Variants in P2RY10 observed in about 807,000 individuals in gnomAD.
The protein encoded by P2RY10 is P2Y receptor family member 10, also known as putative P2Y purinoceptor 10.
P2RY10 carries 4 observed loss-of-function variants against 12.1 expected under a neutral mutation model. The observed-to-expected ratio is 0.33, with a 90% confidence interval of 0.16 to 0.76. The LOEUF (loss-of-function observed/expected upper bound fraction) is 0.76, where lower values mean the gene tolerates loss of function less well. P2RY10 is among the 30% of genes least tolerant of loss of function. The pLI is 0.61. For missense variants in P2RY10, 233 were observed against 264.6 expected, an observed-to-expected ratio of 0.88 and a Z score of 0.83; for synonymous variants, 112 against 94.1, an observed-to-expected ratio of 1.19 and a Z score of -1.10.
chrX:78,960,259 T>C (rs1041028975), intron 3 of P2RY10, among the ~76,000 whole-genome samples: 16 of 112,184 alleles, frequency 1.4e-4, no homozygotes, highest in Non-Finnish European at 1.7e-4. Context: ...CATCTTAGCC[T>C]GCAAAATACA....
intron 3 of P2RY10, among the ~76,000 whole-genome samples, chrX:78,952,967 A>T (rs1183215111): frequency 1.7e-4 from 19 of 111,668 alleles, no homozygotes; most frequent in Non-Finnish European, 5.6e-5. Context: ...GGAATAGGAG[A>T]AGATACTAAT....
At position 78,948,574 on chromosome X, in the gene P2RY10, G is replaced by T. The variant is rs780143710; in HGVS notation, c.-157+711G>T. On this transcript the variant is annotated intron_variant, in intron 2 of 3. Coordinates refer to ENST00000171757, the MANE Select transcript of P2RY10 (RefSeq NM_014499.4). ...TTAGTGCACCCACCACCTCAGTAGT[G>T]CACGTTGTACCTAATGTGTAATATT... is the stretch of plus-strand genomic sequence containing the variant. Among the ~76,000 whole-genome samples the T allele has an allele frequency of 7.2e-4, 80 of 111,345 alleles. 1 individual carries two copies. The highest frequency in any genetic ancestry group is 1.3e-3 in the Non-Finnish European group (71 of 52,959).
At chrX:78,955,750 T>C (rs1327158972) in intron 3 of P2RY10, among the ~76,000 whole-genome samples, 1 of 112,300 alleles carries the variant, frequency 8.9e-6, no homozygotes, top group Non-Finnish European at 1.9e-5. Flanking sequence ...TTTAAAGAAA[T>C]ATATTTTAGG....
intron 1 of P2RY10, among the ~76,000 whole-genome samples, chrX:78,946,049 CTG>C: frequency 9.0e-6 from 1 of 111,603 alleles, no homozygotes; most frequent in East Asian, 2.8e-4. Context: ...GTCAGGAAAA[CTG>C]AGAGCCAGTG....
At position 78,961,657 on chromosome X, in the gene P2RY10, C is replaced by T. The variant is rs1478391670; in HGVS notation, c.*117C>T. 1.1e-5 allele frequency: 6 copies of T among 549,193 alleles called. No individual in the cohort carries two copies. The highest frequency in any genetic ancestry group is 6.9e-5 in the East Asian group (2 of 28,784). The allele number at this position is 549,193 out of a possible 1,213,427, so 45.3% of individuals were successfully genotyped here. On this transcript the variant is annotated 3_prime_UTR_variant, in exon 4 of 4. Transcript: ENST00000171757. ...ACATTGTAAAAAACAGGAATAAGTA[C>T]TTTTGTGTAATATTCACAGTCAACA... is the stretch of plus-strand genomic sequence containing the variant.
intron 3 of P2RY10, among the ~76,000 whole-genome samples, chrX:78,953,984 C>T (rs929553793): frequency 3.6e-5 from 4 of 112,061 alleles, no homozygotes; most frequent in Non-Finnish European, 7.5e-5. Context: ...CCCACCTCAG[C>T]CTCCTGAGTG....
In P2RY10 at chrX:78,961,548, A is replaced by G. The variant is rs1376477310; in HGVS notation, c.*8A>G. On this transcript the variant is annotated 3_prime_UTR_variant, in exon 4 of 4. Coordinates refer to ENST00000171757, the MANE Select transcript of P2RY10 (RefSeq NM_014499.4). ...TCATCAATGATTGGCTAAAATTAAG[A>G]TATCTCTTTAATTACGCCTTTGTTT... 4 of 1,149,839 alleles carry G rather than the reference A, an allele frequency of 3.5e-6. No individual in the cohort carries two copies. Among genetic ancestry groups the G allele is most frequent in the Non-Finnish European group, 4.7e-6 (4 of 849,008 alleles). The allele number at this position is 1,149,839 out of a possible 1,213,427, so 94.8% of individuals were successfully genotyped here.
At chrX:78,960,121 C>A (rs1224105756) in intron 3 of P2RY10, among the ~76,000 whole-genome samples, 1 of 111,921 alleles carries the variant, frequency 8.9e-6, no homozygotes, top group African/African-American at 3.3e-5. Context: ...TCTACTACTG[C>A]AATTAGGAGT....
chrX:78,949,499 AT>A (rs1602262711), intron 2 of P2RY10, among the ~76,000 whole-genome samples: 1 of 112,006 alleles, frequency 8.9e-6, no homozygotes, highest in Non-Finnish European at 1.9e-5. Context: ...GAGACATGAT[AT>A]GATACCAGGT....
Position 78,963,325 on chromosome X carries a change from T to C in P2RY10, c.*1785T>C, listed in dbSNP as rs1356332892. The stretch of plus-strand genomic sequence containing the variant: ...TGCATTTATAAAGTAATTAAACTGG[T>C]TTTCCTTGTACTTTATTAATCTGAA... On this transcript the variant is annotated 3_prime_UTR_variant, in exon 4 of 4. Transcript: ENST00000171757. Among the ~76,000 whole-genome samples, 2 of 112,455 alleles carry C rather than the reference T, an allele frequency of 1.8e-5. No individual in the cohort carries two copies. The highest frequency in any genetic ancestry group is 1.9e-4 in the Admixed American group (2 of 10,623).
At position 78,952,041 on chromosome X, in the gene P2RY10, T is replaced by C. The variant is rs141653809; in HGVS notation, c.-156-152T>C. Among the ~76,000 whole-genome samples, 7 of 112,130 alleles carry C rather than the reference T, an allele frequency of 6.2e-5. No individual in the cohort carries two copies. The East Asian group carries it at 1.9e-3, about 31-fold the overall frequency. On this transcript the variant is annotated intron_variant, in intron 2 of 3. Transcript: ENST00000171757. ...TTTGGTTTTCCATTCCTGCATTAGA[T>C]TGCTAAGGATAATGGCTTCCAACTC...
chrX:78,960,895 G>T lies in P2RY10; in HGVS notation c.375G>T (p.Thr125=), dbSNP rs756005854. The change falls in exon 4 of 4, where the codon ACG becomes ACT. Residue 125 remains threonine, a synonymous_variant. Transcript: ENST00000171757. ...LNMYASICFL[T]CISLQRCFFL... is the part of the protein sequence containing the mutation. ...TGTATGCCAGCATTTGTTTCCTGAC[G>T]TGCATCAGTCTTCAAAGGTGCTTTT... 8.3e-6 allele frequency: 10 copies of T among 1,211,046 alleles called. No homozygotes were observed. Among genetic ancestry groups the T allele is most frequent in the Non-Finnish European group, 1.1e-5 (10 of 895,260 alleles).
chrX:78,947,765 C>A, intron 1 of P2RY10, 50 bp from the exon 2 acceptor site: 1 of 347,727 alleles, frequency 2.9e-6, no homozygotes, highest in Non-Finnish European at 3.7e-6. Context: ...TAGTTCAGAT[C>A]TCCAAGAGAA....
rs189075716 is a variant in P2RY10 at position 78,945,492 on chromosome X, C to G, written c.-209C>G. On this transcript the variant is annotated 5_prime_UTR_variant, in exon 1 of 4. Transcript: ENST00000171757. ...AAGAGTGCTTATCCCAGCTAAGCTC[C>G]AGGGTAAGTTAATGCCTAGCACCTG... The G allele has an allele frequency of 1.3e-4, 14 of 111,693 alleles. No homozygotes were observed. Among genetic ancestry groups the G allele is most frequent in the African/African-American group, 4.6e-4 (14 of 30,744 alleles). The allele number at this position is 111,693 out of a possible 1,213,427, so 9.2% of individuals were successfully genotyped here.
At chrX:78,956,835 A>G (rs1228365302) in intron 3 of P2RY10, among the ~76,000 whole-genome samples, 1 of 111,701 alleles carries the variant, frequency 9.0e-6, no homozygotes, top group Non-Finnish European at 1.9e-5. Context: ...AGGATGGATG[A>G]CATAATGAAT....
chrX:78,958,680 T>G (rs954372266), intron 3 of P2RY10, among the ~76,000 whole-genome samples: 1 of 112,216 alleles, frequency 8.9e-6, no homozygotes, highest in African/African-American at 3.2e-5. Flanking sequence ...GATACATCCT[T>G]GATCGTCACC....
At chrX:78,954,432 A>G (rs1264233632) in intron 3 of P2RY10, among the ~76,000 whole-genome samples, 1 of 110,794 alleles carries the variant, frequency 9.0e-6, no homozygotes, top group East Asian at 2.8e-4. Flanking sequence ...ATTCATTTTT[A>G]TACTTTGGAA....
intron 3 of P2RY10, among the ~76,000 whole-genome samples, chrX:78,954,837 C>T (rs950807483): frequency 8.9e-6 from 1 of 111,779 alleles, no homozygotes; most frequent in South Asian, 3.8e-4. Context: ...TAAAAACGGT[C>T]ATGCTTATGG....
Position 78,961,121 on chromosome X carries a change from G to C in P2RY10, c.601G>C (p.Val201Leu), listed in dbSNP as rs1251135971. ...NAVALVGMIT[V>L]AELAGFVIPV... is the part of the protein sequence containing the mutation. ...AGTTGCGTTGGTCGGGATGATTACAGTTGCTGAGCTTGCAGGATTTGTGAT... is the reference window on the plus strand; with the variant it reads ...AGTTGCGTTGGTCGGGATGATTACACTTGCTGAGCTTGCAGGATTTGTGAT... The change falls in exon 4 of 4, where the codon GTT becomes CTT. Residue 201 changes from valine to leucine, a missense_variant. By Grantham distance (32) the Val-to-Leu change is conservative. Coordinates refer to ENST00000171757, the MANE Select transcript of P2RY10 (RefSeq NM_014499.4). The C allele has an allele frequency of 8.3e-7, 1 of 1,211,284 alleles. No individual in the cohort carries two copies.
Sources: gnomAD v4.1 joint callset for allele counts (sites outside exome capture counted in the v4.1 genomes callset) on GRCh38, gnomAD v4.1.1 for gene constraint, MANE v1.5 for transcripts, NCBI Gene and HGNC (gene_info 2026-07-23, HGNC 2026-07-21) for gene names.